The following FBXL7 variants were observed in gnomAD, a reference collection of about 807,000 sequenced individuals.
The protein encoded by FBXL7 is F-box/LRR-repeat protein 7.
In FBXL7, 12 loss-of-function variants were observed where a neutral mutation model predicts 38.3. That is an observed-to-expected ratio of 0.31 (90% CI 0.20 to 0.51). FBXL7 has a LOEUF of 0.51. FBXL7 is among the 20% of genes least tolerant of loss of function. The pLI, the probability that FBXL7 is intolerant of heterozygous loss-of-function variation, is 0.98. For missense variants in FBXL7, 567 were observed against 676.4 expected (o/e 0.84, Z 1.79); for synonymous variants, 297 against 300.9 (o/e 0.99, Z 0.13).
rs181442213 is a variant in FBXL7 at position 15,887,691 on chromosome 5, T to C, written c.128-40199T>C. The stretch of plus-strand genomic sequence containing the variant: ...ATTGGAATATTAACTCCGCTACTCA[T>C]GGGGGTTGTCACTCCACAATCTTGG... On this transcript the variant is annotated intron_variant, in intron 2 of 3. Transcript: ENST00000504595. 1.9e-3 allele frequency among the ~76,000 whole-genome samples: 286 copies of C among 152,308 alleles called. 7 individuals are homozygous for C. Among genetic ancestry groups the C allele is most frequent in the Admixed American group, 0.019 (284 of 15,298 alleles).
chr5:15,683,100 G>A (rs1742902002), intron 2 of FBXL7, among the ~76,000 whole-genome samples: 1 of 152,158 alleles, frequency 6.6e-6, no homozygotes, highest in South Asian at 2.1e-4. Context: ...TTGAAATGGA[G>A]GGAGGATGTT....
chr5:15,851,053 T>A (rs1238009939), intron 2 of FBXL7, among the ~76,000 whole-genome samples: 1 of 152,146 alleles, frequency 6.6e-6, no homozygotes, highest in African/African-American at 2.4e-5. Context: ...AAAACACGAC[T>A]CTGAGATGCA....
intron 2 of FBXL7, among the ~76,000 whole-genome samples, chr5:15,792,804 C>T (rs753689722): frequency 6.6e-6 from 1 of 152,182 alleles, no homozygotes; most frequent in East Asian, 1.9e-4. Context: ...GGCCCCCTCT[C>T]CTGCCACAGT....
intron 2 of FBXL7, among the ~76,000 whole-genome samples, chr5:15,864,271 A>G (rs556528752): frequency 6.6e-6 from 1 of 151,628 alleles, no homozygotes; most frequent in African/African-American, 2.4e-5. Flanking sequence ...CAGTCTAGGT[A>G]TTCCTTTATA....
At chr5:15,678,104 T>G (rs1057274341) in intron 2 of FBXL7, among the ~76,000 whole-genome samples, 3 of 152,082 alleles carry the variant, frequency 2.0e-5, no homozygotes, top group African/African-American at 7.2e-5. Flanking sequence ...CCCCTCTGAG[T>G]TGGCCAAGGG....
chr5:15,541,336 G>A (rs1042042543), intron 1 of FBXL7, among the ~76,000 whole-genome samples: 7 of 147,038 alleles, frequency 4.8e-5, no homozygotes, highest in Non-Finnish European at 7.5e-5. Flanking sequence ...GAACACTTAC[G>A]TGGTTCAAAA....
intron 2 of FBXL7, among the ~76,000 whole-genome samples, chr5:15,821,274 A>G (rs1450380633): frequency 1.3e-5 from 2 of 152,186 alleles, no homozygotes; most frequent in Admixed American, 6.5e-5. Context: ...CTTTTTATAA[A>G]TTAATTTTTT....
chr5:15,724,462 A>G (rs1744286239), intron 2 of FBXL7, among the ~76,000 whole-genome samples: 1 of 152,182 alleles, frequency 6.6e-6, no homozygotes, highest in Non-Finnish European at 1.5e-5. Context: ...AAATATTCCT[A>G]TCACTCTAGT....
chr5:15,775,430 G>A (rs1281110823), intron 2 of FBXL7, among the ~76,000 whole-genome samples: 1 of 151,996 alleles, frequency 6.6e-6, no homozygotes, highest in Non-Finnish European at 1.5e-5. Context: ...ATCATGGGAA[G>A]CTGGTGGGGA....
chr5:15,880,431 T>C (rs1290859074), intron 2 of FBXL7, among the ~76,000 whole-genome samples: 1 of 152,206 alleles, frequency 6.6e-6, no homozygotes, highest in Non-Finnish European at 1.5e-5. Context: ...AGCTGCTTTT[T>C]TTCTTCCAGT....
At chr5:15,685,127 T>C (rs907044752) in intron 2 of FBXL7, among the ~76,000 whole-genome samples, 45 of 152,304 alleles carry the variant, frequency 3.0e-4, no homozygotes, top group African/African-American at 1.1e-3. Flanking sequence ...CAGAAGTATC[T>C]CTTTCACAAC....
intron 1 of FBXL7, among the ~76,000 whole-genome samples, chr5:15,580,200 G>T (rs879777007): frequency 6.6e-6 from 1 of 152,176 alleles, no homozygotes; most frequent in Non-Finnish European, 1.5e-5. Flanking sequence ...ACAGCAAGAA[G>T]ATGGGCCTCT....
intron 1 of FBXL7, among the ~76,000 whole-genome samples, chr5:15,535,015 A>T (rs1463644279): frequency 6.6e-6 from 1 of 152,164 alleles, no homozygotes; most frequent in Non-Finnish European, 1.5e-5. Flanking sequence ...GTCTCATGAG[A>T]TCTGATAGTT....
intron 1 of FBXL7, among the ~76,000 whole-genome samples, chr5:15,548,985 C>G (rs922576603): frequency 6.6e-6 from 1 of 152,052 alleles, no homozygotes; most frequent in Non-Finnish European, 1.5e-5. Flanking sequence ...AGCAGAAACA[C>G]CTTAGGGTAA....
At chr5:15,541,228 C>T (rs571552721) in intron 1 of FBXL7, among the ~76,000 whole-genome samples, 1 of 151,326 alleles carries the variant, frequency 6.6e-6, no homozygotes, top group Non-Finnish European at 1.5e-5. Context: ...CACAAGTATC[C>T]CATCCAGTAC....
intron 2 of FBXL7, among the ~76,000 whole-genome samples, chr5:15,784,311 G>A (rs917189467): frequency 9.9e-5 from 15 of 152,140 alleles, no homozygotes; most frequent in Admixed American, 2.6e-4. Context: ...TTATTATGAC[G>A]TTAAATATAT....
chr5:15,720,955 T>G (rs1239274213), intron 2 of FBXL7, among the ~76,000 whole-genome samples: 1 of 152,166 alleles, frequency 6.6e-6, no homozygotes, highest in African/African-American at 2.4e-5. Context: ...GTAATTTTTC[T>G]TCTATTAGTT....
chr5:15,770,245 C>T (rs1579448373), intron 2 of FBXL7, among the ~76,000 whole-genome samples: 1 of 152,178 alleles, frequency 6.6e-6, no homozygotes. Context: ...TTCCGTAGGG[C>T]CCCAGTGTGC....
At chr5:15,594,511 C>G (rs17601401) in intron 1 of FBXL7, among the ~76,000 whole-genome samples, 3 of 152,160 alleles carry the variant, frequency 2.0e-5, no homozygotes. Context: ...ATGTGTGTCG[C>G]CCAGGGCTAG....
Sources: allele counts gnomAD v4.1 joint callset (sites outside exome capture counted in the v4.1 genomes callset), GRCh38; gene constraint gnomAD v4.1.1; transcripts MANE v1.5; gene names NCBI Gene and HGNC (gene_info 2026-07-23, HGNC 2026-07-21).